Variants in RBM48 observed in about 807,000 individuals in gnomAD.
RBM48 encodes RNA binding motif protein 48, also known as RNA-binding protein 48.
RBM48 carries 32 observed loss-of-function variants against 34.8 expected under a neutral mutation model. That is an observed-to-expected ratio of 0.92 (90% CI 0.69 to 1.23). The LOEUF is 1.23. RBM48 is among the 50% of genes most tolerant of loss of function. The probability of loss-of-function intolerance (pLI) is 0.00; values close to 1 mark genes in which losing one functional copy is unlikely to be tolerated. For synonymous variants in RBM48, 151 were observed against 156.2 expected (o/e 0.97, Z 0.25); for missense variants, 441 against 447.2 (o/e 0.99, Z 0.12).
Position 92,529,676 on chromosome 7 carries a change from A to G in RBM48, c.302+10A>G, listed in dbSNP as rs754616082. 1 of 1,475,850 alleles carries G rather than the reference A, an allele frequency of 6.8e-7. No homozygotes were observed. The highest frequency in any genetic ancestry group is 2.1e-5 in the Admixed American group (1 of 48,372). 91.4% of individuals were successfully genotyped at this position (1,475,850 alleles called of 1,614,324 possible). On this transcript the variant is annotated intron_variant, in intron 2 of 4. Transcript: ENST00000265732. ...ACTTACAAAGTGCAAGGTAATGTGC[A>G]AGTTAAGAAATGACTCATTTCCTCA... is the stretch of plus-strand genomic sequence containing the variant.
chr7:92,535,125 G>A (rs1357030152), intron 4 of RBM48, 155 bp downstream of exon 4: 3 of 1,451,998 alleles, frequency 2.1e-6, no homozygotes, highest in Non-Finnish European at 2.7e-6. Flanking sequence ...ACTGAATTTG[G>A]CTAACATTTT....
intron 4 of RBM48, 23 bp from the exon 5 acceptor site, chr7:92,536,828 G>C (rs1209664006): frequency 1.3e-6 from 2 of 1,555,124 alleles, no homozygotes; most frequent in Non-Finnish European, 1.7e-6. Context: ...AAGTTTTAAT[G>C]GTTCTTTTTT....
rs764577763 is a variant in RBM48 at position 92,536,871 on chromosome 7, G to A, written c.1038G>A (p.Lys346=). 6.2e-7 allele frequency: 1 copy of A among 1,601,908 alleles called. No homozygotes were observed. Among genetic ancestry groups the A allele is most frequent in the Non-Finnish European group, 8.5e-7 (1 of 1,175,696 alleles). The change falls in exon 5 of 5, where the codon AAG becomes AAA. Residue 346 remains lysine, a synonymous_variant. Coordinates refer to ENST00000265732, the MANE Select transcript of RBM48 (RefSeq NM_032120.4). ...ATTAGGTAATTTCATCTGTGCCAAA[G>A]CCTCCAGAGGACAAGCCAGAAGATG... ...KLKEVISSVP[K]PPEDKPEDVH...
rs1306672632 is a variant in RBM48, at chr7:92,540,376, G to T, written c.*3439G>T. On this transcript the variant is annotated 3_prime_UTR_variant, in exon 5 of 5. Coordinates refer to ENST00000265732, the MANE Select transcript of RBM48 (RefSeq NM_032120.4). ...CTTGCCATCATTGTCATAATCTTAGGAAGATGTTTCTTGGTAAATACTAGT... is the reference window on the plus strand; with the variant it reads ...CTTGCCATCATTGTCATAATCTTAGTAAGATGTTTCTTGGTAAATACTAGT... 1.3e-5 allele frequency: 2 copies of T among 152,222 alleles called. No homozygotes were observed. 9.4% of individuals were successfully genotyped at this position (152,222 alleles called of 1,614,324 possible).
At chr7:92,535,055 G>GT in intron 4 of RBM48, 85 bp downstream of exon 4, 1 of 1,527,334 alleles carries the variant, frequency 6.5e-7, no homozygotes, top group Middle Eastern at 1.7e-4. Context: ...CAATAGTACT[G>GT]TAATTTTTTT....
chr7:92,529,413 T>C (rs1793480608), intron 1 of RBM48, 63 bp from the exon 2 acceptor site: 3 of 959,194 alleles, frequency 3.1e-6, no homozygotes. Flanking sequence ...TAAAAAAAAA[T>C]AGAGGCAGAT....
In RBM48 at chr7:92,529,591, A is replaced by G. The variant is rs769637128; in HGVS notation, c.227A>G (p.Asn76Ser). Residue 76 changes from asparagine (N) to serine (S), a missense_variant, in exon 2 of 5, where the codon AAT becomes AGT. By Grantham distance (46) the Asn-to-Ser change is conservative. Transcript: ENST00000265732. ...FALYGAIEQYNALDEYPAEDF... is the reference protein window; with the variant it reads ...FALYGAIEQYSALDEYPAEDF... ...TTATATGGTGCAATTGAACAGTACAATGCTCTAGATGAATACCCAGCAGAA... is the reference window on the plus strand; with the variant it reads ...TTATATGGTGCAATTGAACAGTACAGTGCTCTAGATGAATACCCAGCAGAA... 12 of 1,610,244 alleles carry G rather than the reference A, an allele frequency of 7.5e-6. No homozygotes were observed. In the Admixed American group the frequency reaches 1.5e-4, roughly 20 times the overall value.
Position 92,538,493 on chromosome 7 carries a change from A to G in RBM48, c.*1556A>G, listed in dbSNP as rs1255090462. Among the ~76,000 whole-genome samples, 3 of 152,216 alleles carry G rather than the reference A, an allele frequency of 2.0e-5. No homozygotes were observed. The highest frequency in any genetic ancestry group is 4.4e-5 in the Non-Finnish European group (3 of 68,038). On this transcript the variant is annotated 3_prime_UTR_variant, in exon 5 of 5. Transcript: ENST00000265732. ...CTCCTCACACTGATCCAAATTAACT[A>G]GGATGGCTCCAAGTGGTAGATGGTA...
rs1427811367 is a variant in RBM48, at chr7:92,536,844, T to TA, written c.1018-5dup. On this transcript the variant is annotated splice_region_variant and splice_polypyrimidine_tract_variant and intron_variant, in intron 4 of 4. Coordinates refer to ENST00000265732, the MANE Select transcript of RBM48 (RefSeq NM_032120.4). ...AGTTTTAATGGTTCTTTTTTTTTTT[T>TA]AATTAGGTAATTTCATCTGTGCCAA... 5 of 1,568,418 alleles carry TA rather than the reference T, an allele frequency of 3.2e-6. No homozygotes were observed. Among genetic ancestry groups the TA allele is most frequent in the Non-Finnish European group, 4.3e-6 (5 of 1,163,182 alleles).
intron 4 of RBM48, 184 bp downstream of exon 4, chr7:92,535,154 AT>A (rs2116328528): frequency 3.5e-6 from 5 of 1,432,662 alleles, no homozygotes; most frequent in Non-Finnish European, 4.6e-6. Flanking sequence ...TAAACTGTTA[AT>A]ACTTGCTTTA....
Position 92,534,887 on chromosome 7 carries a change from C to T in RBM48, c.934C>T (p.Leu312=). 1 of 1,614,162 alleles carries T rather than the reference C, an allele frequency of 6.2e-7. No homozygotes were observed. The highest frequency in any genetic ancestry group is 8.5e-7 in the Non-Finnish European group (1 of 1,180,002). The change falls in exon 4 of 5, where the codon CTG becomes TTG. Residue 312 remains leucine (L), a synonymous_variant. Transcript: ENST00000265732. ...PTGNEIMIGP[L]LPDISKVDMH... is the part of the protein sequence containing the mutation. ...TGGTAATGAGATTATGATTGGACCT[C>T]TGTTACCAGACATCTCTAAAGTGGA...
At chr7:92,530,547 A>G (rs527735788) in intron 2 of RBM48, among the ~76,000 whole-genome samples, 6 of 152,136 alleles carry the variant, frequency 3.9e-5, no homozygotes, top group African/African-American at 1.4e-4. Flanking sequence ...CACACCTGTA[A>G]TCCCAGCACT....
chr7:92,529,333 C>G, intron 1 of RBM48, 143 bp from the exon 2 acceptor site: 1 of 591,118 alleles, frequency 1.7e-6, no homozygotes, highest in Non-Finnish European at 2.9e-6. Context: ...GAAGGAATGG[C>G]AGAAATTTCA....
In RBM48 at chr7:92,539,187, G is replaced by T. The variant is rs1406135997; in HGVS notation, c.*2250G>T. On this transcript the variant is annotated 3_prime_UTR_variant, in exon 5 of 5. Coordinates refer to ENST00000265732, the MANE Select transcript of RBM48 (RefSeq NM_032120.4). Reference sequence around the variant, plus strand: ...AGAACGGTTGGCTGTTCCATCCTAAGCAGTTACTCTGATCTAGTCCATTAT... The same window carrying T: ...AGAACGGTTGGCTGTTCCATCCTAATCAGTTACTCTGATCTAGTCCATTAT... Among the ~76,000 whole-genome samples, 4 of 152,166 alleles carry T rather than the reference G, an allele frequency of 2.6e-5. No homozygotes were observed. Among genetic ancestry groups the T allele is most frequent in the African/African-American group, 9.7e-5 (4 of 41,434 alleles).
At chr7:92,535,767 C>T in intron 4 of RBM48, 1 of 969,130 alleles carries the variant, frequency 1.0e-6, no homozygotes, top group African/African-American at 1.8e-5. Context: ...CATTTTTTAC[C>T]TAAAAATATC....
At chr7:92,530,104 G>A (rs111870660) in intron 2 of RBM48, among the ~76,000 whole-genome samples, 8,809 of 151,040 alleles carry the variant, frequency 0.058, 562 homozygotes, top group East Asian at 0.3. Context: ...TTGAAACCGG[G>A]AGGCAGAGGT....
At position 92,539,008 on chromosome 7, in the gene RBM48, CAAAA is replaced by C. The variant is rs1793794113; in HGVS notation, c.*2073_*2076del. Among the ~76,000 whole-genome samples the C allele has an allele frequency of 6.6e-6, 1 of 152,130 alleles. No individual in the cohort carries two copies. Among genetic ancestry groups the C allele is most frequent in the Admixed American group, 6.5e-5 (1 of 15,268 alleles). Reference sequence around the variant, plus strand: ...TGTGGTGTCAAGCAGCAAAACAAAACAAAAAGATTCAAATTAAGTTGGTTTGGGT... The same window carrying C: ...TGTGGTGTCAAGCAGCAAAACAAAACAGATTCAAATTAAGTTGGTTTGGGT... On this transcript the variant is annotated 3_prime_UTR_variant, in exon 5 of 5. Coordinates refer to ENST00000265732, the MANE Select transcript of RBM48 (RefSeq NM_032120.4).
Position 92,529,539 on chromosome 7 carries a change from A to C in RBM48, c.175A>C (p.Met59Leu), listed in dbSNP as rs756495996. The C allele has an allele frequency of 1.2e-6, 2 of 1,611,728 alleles. No homozygotes were observed. The highest frequency in any genetic ancestry group is 2.2e-5 in the South Asian group (2 of 90,992). The change falls in exon 2 of 5, where the codon ATG becomes CTG. Residue 59 changes from methionine (M) to leucine (L), a missense_variant. Transcript: ENST00000265732. ...LIQGVPAVGV[M>L]KELVERFALY... ...ACAAGGAGTTCCTGCTGTGGGAGTC[A>C]TGAAGGAATTAGTTGAGCGATTCGC...
intron 4 of RBM48, chr7:92,535,604 G>A (rs1793690787): frequency 2.0e-6 from 2 of 985,120 alleles, no homozygotes; most frequent in South Asian, 4.7e-5. Flanking sequence ...ACACCTTTTT[G>A]TGGGGTAGGG....
Sources: allele counts gnomAD v4.1 joint callset (sites outside exome capture counted in the v4.1 genomes callset), GRCh38; gene constraint gnomAD v4.1.1; transcripts MANE v1.5; gene names NCBI Gene and HGNC (gene_info 2026-07-23, HGNC 2026-07-21).